Variants in SRPRA observed in about 807,000 individuals in gnomAD.
SRPRA encodes SRP receptor subunit alpha, also known as signal recognition particle receptor subunit alpha.
Under a neutral mutation model 61.1 loss-of-function variants are expected in SRPRA, and 30 were observed. The observed-to-expected ratio is 0.49, with a 90% confidence interval of 0.37 to 0.67. The LOEUF is 0.67. Ranked by LOEUF, SRPRA falls within the 30% of genes least tolerant of loss-of-function variation. The pLI is 0.00. For missense variants in SRPRA, 759 were observed against 828.4 expected (o/e 0.92, Z 1.03); for synonymous variants, 324 against 299.7 (o/e 1.08, Z -0.84).
the SRPRA span, among the ~76,000 whole-genome samples, chr11:126,257,605 ATTT>A: frequency 6.4e-5 from 9 of 140,938 alleles, no homozygotes; most frequent in Non-Finnish European, 1.5e-5. Context: ...AGAATTGTAC[ATTT>A]TTTTTTTTTT....
rs1485144161 is a variant in SRPRA at position 126,267,184 on chromosome 11, T to C, written c.517A>G (p.Lys173Glu). Residue 173 changes from lysine to glutamate, a missense_variant, in exon 4 of 14, where the codon AAG (lysine) becomes GAG (glutamate). Around this residue, in one of 2 missense-constraint regions of SRPRA, gnomAD observed 475 missense variants for 462.5 expected, o/e 1.03. Transcript: ENST00000332118. This position sits in a 1 kb window ranked among gnomAD's most constrained non-coding sequence, Gnocchi z 4.2. Reference protein sequence around the residue: ...KAKNSKKKGAKKEGSDGPLAT... With the variant: ...KAKNSKKKGAEKEGSDGPLAT... ...AAGAACTCAAACTTGCCTTCCTTCT[T>C]GGCCCCCTTTTTTTTGCTATTCTTT... 1.2e-6 allele frequency: 2 copies of C among 1,614,002 alleles called. No individual in the cohort carries two copies. The highest frequency in any genetic ancestry group is 1.1e-5 in the South Asian group (1 of 91,084).
the SRPRA span, among the ~76,000 whole-genome samples, chr11:126,242,462 A>T: frequency 1.3e-5 from 2 of 152,220 alleles, no homozygotes; most frequent in African/African-American, 2.4e-5. Flanking sequence ...CAGCTTCCAG[A>T]ATGAGAAAAT....
chr11:126,266,723 G>C lies in SRPRA; in HGVS notation c.686+40C>G, dbSNP rs189110219. ...AACTCCCTTGCACCCATTGTGTCTA[G>C]ATAACAGTATTTTGAGAGTACTGGA... On this transcript the variant is annotated intron_variant, in intron 5 of 13. Transcript: ENST00000332118. 3.2e-5 allele frequency: 51 copies of C among 1,611,322 alleles called. No homozygotes were observed. In the African/African-American group the frequency reaches 6.3e-4, roughly 20 times the overall value.
the SRPRA span, among the ~76,000 whole-genome samples, chr11:126,248,073 G>C: frequency 4.7e-5 from 7 of 150,536 alleles, no homozygotes; most frequent in Non-Finnish European, 7.4e-5. Flanking sequence ...CTGAACCAGA[G>C]AGGCAGAGGT....
the SRPRA span, among the ~76,000 whole-genome samples, chr11:126,246,605 TTTTC>T: frequency 2.2e-4 from 33 of 152,064 alleles, no homozygotes; most frequent in Non-Finnish European, 1.6e-4. Context: ...AACAGGTTTT[TTTTC>T]TTTCTTTTTT....
At chr11:126,256,451 C>T in the SRPRA span, 1 of 874,202 alleles carries the variant, frequency 1.1e-6, no homozygotes, top group Non-Finnish European at 1.7e-6. This position sits in a 1 kb window ranked among gnomAD's most constrained non-coding sequence, Gnocchi z 6.6. Flanking sequence ...TACCAACCCA[C>T]TTAAGTCTTG....
At chr11:126,266,335 C>A (rs1565346600) in intron 6 of SRPRA, 57 bp from the exon 7 acceptor site, 2 of 1,599,362 alleles carry the variant, frequency 1.3e-6, no homozygotes, top group Non-Finnish European at 1.7e-6. Flanking sequence ...CTGAGGAAAA[C>A]GTCCACATTG....
the SRPRA span, chr11:126,256,495 AT>A: frequency 6.9e-7 from 1 of 1,455,456 alleles, no homozygotes; most frequent in Non-Finnish European, 9.4e-7. This position sits in a 1 kb window ranked among gnomAD's most constrained non-coding sequence, Gnocchi z 6.6. Context: ...TCAACGTAGC[AT>A]GACCTTCTTG....
chr11:126,241,231 G>T, the SRPRA span: 1 of 536,146 alleles, frequency 1.9e-6, no homozygotes, highest in South Asian at 4.0e-5. Flanking sequence ...CAGGACAGTT[G>T]TCTTAACCCC....
In SRPRA at chr11:126,265,657, A is replaced by G; in HGVS notation, c.1138+80T>C. 2.0e-6 allele frequency: 3 copies of G among 1,514,142 alleles called. No homozygotes were observed. Among genetic ancestry groups the G allele is most frequent in the Non-Finnish European group, 2.7e-6 (3 of 1,096,010 alleles). 93.8% of individuals were successfully genotyped at this position (1,514,142 alleles called of 1,614,324 possible). On this transcript the variant is annotated intron_variant, in intron 9 of 13. Coordinates refer to ENST00000332118, the MANE Select transcript of SRPRA (RefSeq NM_003139.4). The surrounding 1 kb of genome is among the most constrained non-coding windows in gnomAD (Gnocchi z 6.3). Reference sequence around the variant, plus strand: ...GGTTTAGAGGTTAAGGAATTTGCCGAAAGTCACATACCTAGTAAGAACTGA... The same window carrying G: ...GGTTTAGAGGTTAAGGAATTTGCCGGAAGTCACATACCTAGTAAGAACTGA...
At position 126,268,721 on chromosome 11, in the gene SRPRA, G is replaced by C. The variant is rs750272322; in HGVS notation, c.84C>G (p.Pro28=). 1 of 1,613,878 alleles carries C rather than the reference G, an allele frequency of 6.2e-7. No homozygotes were observed. Among genetic ancestry groups the C allele is most frequent in the African/African-American group, 1.3e-5 (1 of 75,070 alleles). Residue 28 remains proline, a synonymous_variant, in exon 1 of 14, where the codon CCC becomes CCG. Transcript: ENST00000332118. ...GCACGGAACGAATCAACGCGTTAAC[G>C]GGTCCGGTGCATGAGTCGCTAACGC... The part of the protein sequence containing the change: ...FQGVSDSCTG[P]VNALIRSVLL...
At chr11:126,262,219 A>C, downstream of SRPRA, 1 of 1,444,400 alleles carries the variant, frequency 6.9e-7, no homozygotes. Context: ...ACAAGAACCC[A>C]ACACAATTCC....
Position 126,265,676 on chromosome 11 carries a change from G to A in SRPRA, c.1138+61C>T, listed in dbSNP as rs1276970486. On this transcript the variant is annotated intron_variant, in intron 9 of 13. Coordinates refer to ENST00000332118, the MANE Select transcript of SRPRA (RefSeq NM_003139.4). This position sits in a 1 kb window ranked among gnomAD's most constrained non-coding sequence, Gnocchi z 6.3. The stretch of plus-strand genomic sequence containing the variant: ...TTGCCGAAAGTCACATACCTAGTAA[G>A]AACTGAGGTCTATGCACTTAACCTA... The A allele has an allele frequency of 6.4e-7, 1 of 1,560,594 alleles. No individual in the cohort carries two copies. Among genetic ancestry groups the A allele is most frequent in the African/African-American group, 1.4e-5 (1 of 73,872 alleles).
rs151190812 is a variant in SRPRA at position 126,267,233 on chromosome 11, C to T, written c.468G>A (p.Arg156=). 15 of 1,614,030 alleles carry T rather than the reference C, an allele frequency of 9.3e-6. No homozygotes were observed. In the African/African-American group the frequency reaches 1.3e-4, roughly 14 times the overall value. The part of the protein sequence containing the change: ...KKPVRSMIET[R]GEKPKEKAKN... ...TTGCTTTTTCCTTGGGCTTTTCCCC[C>T]CGTGTCTCAATCATGGACCTCACAG... Residue 156 remains arginine (R), a synonymous_variant, in exon 4 of 14, where the codon CGG becomes CGA. Coordinates refer to ENST00000332118, the MANE Select transcript of SRPRA (RefSeq NM_003139.4). The surrounding 1 kb of genome is among the most constrained non-coding windows in gnomAD (Gnocchi z 4.2).
In SRPRA at chr11:126,267,962, A is replaced by G. The variant is rs1338832716; in HGVS notation, c.201+41T>C. ...CAGAGTTCTCTTAAAAATCAGGGCT[A>G]TGTTAACAATGCAATCGTCCCTCTA... On this transcript the variant is annotated intron_variant, in intron 2 of 13. Coordinates refer to ENST00000332118, the MANE Select transcript of SRPRA (RefSeq NM_003139.4). This position sits in a 1 kb window ranked among gnomAD's most constrained non-coding sequence, Gnocchi z 4.2. The G allele has an allele frequency of 6.3e-7, 1 of 1,581,448 alleles. No homozygotes were observed. Among genetic ancestry groups the G allele is most frequent in the African/African-American group, 1.3e-5 (1 of 74,362 alleles).
At chr11:126,248,357 A>ATTTT in the SRPRA span, among the ~76,000 whole-genome samples, 18 of 23,718 alleles carry the variant, frequency 7.6e-4, no homozygotes, top group Non-Finnish European at 1.0e-3. Flanking sequence ...ATAGTAGTTG[A>ATTTT]CTTTTTTTTT....
At chr11:126,237,619 G>C in the SRPRA span, among the ~76,000 whole-genome samples, 1 of 138,006 alleles carries the variant, frequency 7.2e-6, no homozygotes, top group Non-Finnish European at 1.6e-5. Context: ...GGCAGATCGT[G>C]AGGTCAGGAG....
At chr11:126,238,989 T>C in the SRPRA span, among the ~76,000 whole-genome samples, 34 of 151,458 alleles carry the variant, frequency 2.2e-4, no homozygotes, top group East Asian at 3.7e-3. Context: ...TTTTTTTTTT[T>C]CGAGACAAGG....
Position 126,266,096 on chromosome 11 carries a change from G to C in SRPRA, c.933-15C>G, listed in dbSNP as rs1235646535. 1 of 1,613,480 alleles carries C rather than the reference G, an allele frequency of 6.2e-7. No individual in the cohort carries two copies. The highest frequency in any genetic ancestry group is 8.5e-7 in the Non-Finnish European group (1 of 1,179,468). On this transcript the variant is annotated splice_polypyrimidine_tract_variant and intron_variant, in intron 7 of 13. Transcript: ENST00000332118. ...CCTTGGTCGCACTGCAGGGACAGGA[G>C]ATTACACATACACATAAAACCAGTA... is the stretch of plus-strand genomic sequence containing the variant.
Sources: allele counts gnomAD v4.1 joint callset (sites outside exome capture counted in the v4.1 genomes callset), GRCh38; gene constraint gnomAD v4.1.1; regional missense constraint gnomAD v4.1.1; non-coding constraint Gnocchi (gnomAD v3.1); transcripts MANE v1.5; gene names NCBI Gene and HGNC (gene_info 2026-07-23, HGNC 2026-07-21).